The following SLC35F3 variants were observed in gnomAD, a reference collection of about 807,000 sequenced individuals.
The protein encoded by SLC35F3 is putative thiamine transporter SLC35F3.
Under a neutral mutation model 49.9 loss-of-function variants are expected in SLC35F3, and 25 were observed. The ratio of observed to expected loss-of-function variants is 0.50; its 90% confidence interval spans 0.37 to 0.70. The LOEUF (loss-of-function observed/expected upper bound fraction) is 0.70, where lower values mean the gene tolerates loss of function less well. Ranked by LOEUF, SLC35F3 falls within the 30% of genes least tolerant of loss-of-function variation. The probability of loss-of-function intolerance (pLI) is 0.00; values close to 1 mark genes in which losing one functional copy is unlikely to be tolerated. For synonymous variants in SLC35F3, 275 were observed against 265.4 expected (o/e 1.04, Z -0.35); for missense variants, 525 against 639.8 (o/e 0.82, Z 1.94).
chr1:234,242,957 T>C (rs112825447), intron 3 of SLC35F3, among the ~76,000 whole-genome samples: 5 of 152,296 alleles, frequency 3.3e-5, no homozygotes, highest in Admixed American at 2.6e-4. Flanking sequence ...AGAAAGACTT[T>C]AAGTGTTTCA....
chr1:234,179,423 A>G (rs1187818845), intron 2 of SLC35F3, among the ~76,000 whole-genome samples: 2 of 152,216 alleles, frequency 1.3e-5, no homozygotes, highest in Admixed American at 1.3e-4. Context: ...TTCTTAGTTG[A>G]CAAATAGTAA....
chr1:234,236,103 C>T (rs1264362463), intron 3 of SLC35F3, among the ~76,000 whole-genome samples: 2 of 152,030 alleles, frequency 1.3e-5, no homozygotes, highest in Non-Finnish European at 2.9e-5. Flanking sequence ...AGATACATGT[C>T]CAGATACATG....
intron 2 of SLC35F3, among the ~76,000 whole-genome samples, chr1:233,982,477 T>C (rs12047384): frequency 0.51 from 77,432 of 151,918 alleles, 22,751 homozygotes; most frequent in African/African-American, 0.8. Context: ...CGGGTTCAAG[T>C]GATTCTCCTG....
chr1:233,927,394 A>T lies in SLC35F3; in HGVS notation c.283+21636A>T, dbSNP rs57448301. Among the ~76,000 whole-genome samples, 1,431 of 152,262 alleles carry T rather than the reference A, an allele frequency of 9.4e-3. 17 individuals carry two copies. The highest frequency in any genetic ancestry group is 0.031 in the African/African-American group (1,288 of 41,558). On this transcript the variant is annotated intron_variant, in intron 2 of 7. Coordinates refer to ENST00000366618, the MANE Select transcript of SLC35F3 (RefSeq NM_173508.4). Reference sequence around the variant, plus strand: ...ACATTTGTATCATCTAATTTACTTCAAAATGGTTTTTCAAAATTTATACCT... The same window carrying T: ...ACATTTGTATCATCTAATTTACTTCTAAATGGTTTTTCAAAATTTATACCT...
At chr1:234,181,006 A>G (rs916666178) in intron 2 of SLC35F3, among the ~76,000 whole-genome samples, 4 of 152,172 alleles carry the variant, frequency 2.6e-5, no homozygotes, top group African/African-American at 7.2e-5. Flanking sequence ...TCCAGACATC[A>G]TATAATTTCT....
At chr1:234,229,657 A>T (rs1324420400) in intron 2 of SLC35F3, among the ~76,000 whole-genome samples, 1 of 152,082 alleles carries the variant, frequency 6.6e-6, no homozygotes, top group Non-Finnish European at 1.5e-5. Context: ...CTTTTTTTTC[A>T]TCTCTACAAT....
rs142812086 is a variant in SLC35F3 at position 234,264,439 on chromosome 1, C to G, written c.608+32698C>G. Among the ~76,000 whole-genome samples the G allele has an allele frequency of 3.9e-5, 6 of 152,308 alleles. No homozygotes were observed. The East Asian group carries it at 7.7e-4, about 20-fold the overall frequency. The stretch of plus-strand genomic sequence containing the variant: ...CGGAAGAGTAGTCTGTACTCTGTCT[C>G]CCTTTCTCTCTTAAACCTACACCAC... On this transcript the variant is annotated intron_variant, in intron 3 of 7. Transcript: ENST00000366618.
Position 234,319,062 on chromosome 1 carries a change from G to A in SLC35F3, c.1147+119G>A, listed in dbSNP as rs111324014. 766 of 821,254 alleles carry A rather than the reference G, an allele frequency of 9.3e-4. 6 individuals are homozygous for A. The African/African-American group carries it at 0.011, about 12-fold the overall frequency. 50.9% of individuals were successfully genotyped at this position (821,254 alleles called of 1,614,324 possible). A position where few individuals can be genotyped will look rare whatever the true frequency, so the allele number is the denominator to read the frequency against. On this transcript the variant is annotated intron_variant, in intron 6 of 7. Coordinates refer to ENST00000366618, the MANE Select transcript of SLC35F3 (RefSeq NM_173508.4). ...CTTTGCTATTCTTTAGTTCTCACTG[G>A]TTTTTAAGATCTTTCTGTTTCACAA...
intron 2 of SLC35F3, among the ~76,000 whole-genome samples, chr1:233,979,585 T>C (rs114277924): frequency 0.016 from 2,500 of 152,266 alleles, 78 homozygotes; most frequent in African/African-American, 0.055. Context: ...TGCCTCGTCA[T>C]TGGATAGGTT....
At chr1:234,202,375 C>A (rs1393786404) in intron 2 of SLC35F3, among the ~76,000 whole-genome samples, 1 of 152,166 alleles carries the variant, frequency 6.6e-6, no homozygotes, top group East Asian at 1.9e-4. Flanking sequence ...AGGGGGAAGT[C>A]TTGAATTGTG....
chr1:234,080,175 T>C (rs1664854323), intron 2 of SLC35F3, among the ~76,000 whole-genome samples: 1 of 152,140 alleles, frequency 6.6e-6, no homozygotes, highest in Non-Finnish European at 1.5e-5. Context: ...CCCCTGCCTA[T>C]AAAATGAAGC....
At chr1:233,929,776 G>A (rs999888938) in intron 2 of SLC35F3, among the ~76,000 whole-genome samples, 11 of 152,254 alleles carry the variant, frequency 7.2e-5, no homozygotes, top group African/African-American at 2.6e-4. Context: ...AAACAGAAGA[G>A]GCAACCAAGA....
At position 234,080,882 on chromosome 1, in the gene SLC35F3, G is replaced by A. The variant is rs151129175; in HGVS notation, c.284-150535G>A. 2.5e-3 allele frequency among the ~76,000 whole-genome samples: 377 copies of A among 152,212 alleles called. 1 individual carries two copies. The highest frequency in any genetic ancestry group is 0.02 in the Middle Eastern group (6 of 294). ...TGAATATTCTACAAACCAGTGAATC[G>A]TGTACTTTAAGATGGTGAGTTTTAT... On this transcript the variant is annotated intron_variant, in intron 2 of 7. Transcript: ENST00000366618.
chr1:233,924,298 A>G (rs1053691421), intron 2 of SLC35F3, among the ~76,000 whole-genome samples: 4 of 152,126 alleles, frequency 2.6e-5, no homozygotes, highest in African/African-American at 7.2e-5. Context: ...TTGCTATGCT[A>G]TTAATTATTG....
chr1:233,930,259 C>T (rs766384827), intron 2 of SLC35F3, among the ~76,000 whole-genome samples: 30 of 152,038 alleles, frequency 2.0e-4, no homozygotes, highest in Non-Finnish European at 1.3e-4. Flanking sequence ...GGGAAGCTAC[C>T]GCAGCCCCGG....
chr1:234,174,981 C>T (rs531072220), intron 2 of SLC35F3, among the ~76,000 whole-genome samples: 37 of 152,296 alleles, frequency 2.4e-4, no homozygotes, highest in Non-Finnish European at 1.0e-4. Flanking sequence ...AGGTGGAAGG[C>T]GTCTTGTCAT....
At position 234,316,607 on chromosome 1, in the gene SLC35F3, G is replaced by A. The variant is rs748120715; in HGVS notation, c.834G>A (p.Val278=). The change falls in exon 5 of 8, where the codon GTG becomes GTA. Residue 278 remains valine, a synonymous_variant. Coordinates refer to ENST00000366618, the MANE Select transcript of SLC35F3 (RefSeq NM_173508.4). ...ATTTTCTTCCGTCTGTCCAGATTGT[G>A]GCCGCCATCCTCGCCATCGCTGGCA... is the stretch of plus-strand genomic sequence containing the variant. ...LRDRFMGVRI[V]AAILAIAGIV... 6.2e-7 allele frequency: 1 copy of A among 1,608,322 alleles called. No homozygotes were observed. Among genetic ancestry groups the A allele is most frequent in the Non-Finnish European group, 8.5e-7 (1 of 1,175,310 alleles).
intron 2 of SLC35F3, among the ~76,000 whole-genome samples, chr1:234,204,174 T>G (rs1327933564): frequency 2.0e-5 from 3 of 152,178 alleles, no homozygotes; most frequent in African/African-American, 7.2e-5. Context: ...ATGAACATCT[T>G]TGAAGCTTAT....
chr1:234,222,745 C>A (rs1667226966), intron 2 of SLC35F3, among the ~76,000 whole-genome samples: 1 of 152,220 alleles, frequency 6.6e-6, no homozygotes, highest in South Asian at 2.1e-4. Context: ...ATTCCAACAG[C>A]CAAATTTCAG....
Sources: gnomAD v4.1 joint callset for allele counts (sites outside exome capture counted in the v4.1 genomes callset) on GRCh38, gnomAD v4.1.1 for gene constraint, MANE v1.5 for transcripts, NCBI Gene and HGNC (gene_info 2026-07-23, HGNC 2026-07-21) for gene names.